TMOD1: variants seen among roughly 807,000 people sequenced by gnomAD.
The protein encoded by TMOD1 is tropomodulin 1.
Under a neutral mutation model 40.6 loss-of-function variants are expected in TMOD1, and 17 were observed. The ratio of observed to expected loss-of-function variants is 0.42; its 90% CI spans 0.29 to 0.63. The LOEUF is 0.63. TMOD1 is among the 20% of genes least tolerant of loss of function. The probability of loss-of-function intolerance (pLI) is 0.22; values close to 1 mark genes in which losing one functional copy is unlikely to be tolerated. For missense variants in TMOD1, 391 were observed against 447.6 expected, an observed-to-expected ratio of 0.87 and a Z score of 1.14; for synonymous variants, 181 against 175.0, an observed-to-expected ratio of 1.03 and a Z score of -0.27.
intron 3 of TMOD1, among the ~76,000 whole-genome samples, chr9:97,548,377 AG>A (rs35534482): frequency 6.6e-6 from 1 of 152,222 alleles, no homozygotes; most frequent in Admixed American, 6.5e-5. Flanking sequence ...CTGGAAGTCC[AG>A]GGAGGCCTAA....
chr9:97,588,920 C>A (rs758422039), intron 8 of TMOD1, among the ~76,000 whole-genome samples: 3 of 152,046 alleles, frequency 2.0e-5, no homozygotes, highest in Admixed American at 6.5e-5. Flanking sequence ...AGTTTGAAAG[C>A]AGCCTGGCCA....
At chr9:97,569,888 C>T (rs1158462082) in intron 8 of TMOD1, among the ~76,000 whole-genome samples, 2 of 152,098 alleles carry the variant, frequency 1.3e-5, no homozygotes, top group Non-Finnish European at 2.9e-5. Context: ...ACACTTATTC[C>T]ACTGCAGCAT....
At chr9:97,560,142 T>A (rs1362371902) in intron 4 of TMOD1, among the ~76,000 whole-genome samples, 1 of 151,038 alleles carries the variant, frequency 6.6e-6, no homozygotes, top group Non-Finnish European at 1.5e-5. Context: ...GGATATTTTT[T>A]AAAAAATCAC....
chr9:97,553,292 G>A lies in TMOD1; in HGVS notation c.289G>A (p.Val97Ile). Residue 97 changes from valine to isoleucine, a missense_variant, in exon 4 of 10, where the codon GTT (valine) becomes ATT (isoleucine). Transcript: ENST00000259365. Reference sequence around the variant, plus strand: ...CTGTGTGTTTGCAGGAAAGGTCTGGGTTCCTAAGCAGAAGCCACTGGATCC... The same window carrying A: ...CTGTGTGTTTGCAGGAAAGGTCTGGATTCCTAAGCAGAAGCCACTGGATCC... ...YTGEKRGKVW[V>I]PKQKPLDPVL... The A allele has an allele frequency of 6.2e-7, 1 of 1,614,122 alleles. No individual in the cohort carries two copies.
At chr9:97,504,807 A>G (rs1337560920) in intron 1 of TMOD1, among the ~76,000 whole-genome samples, 2 of 152,196 alleles carry the variant, frequency 1.3e-5, no homozygotes, top group Non-Finnish European at 2.9e-5. Context: ...GGCCTTTTCC[A>G]GTCAATGTTT....
chr9:97,539,304 G>A (rs559172841), intron 2 of TMOD1, among the ~76,000 whole-genome samples: 69 of 152,188 alleles, frequency 4.5e-4, no homozygotes, highest in Non-Finnish European at 7.6e-4. Flanking sequence ...GAATGGTTGT[G>A]GGAACTCTTT....
At chr9:97,529,635 GC>G (rs1420000558) in intron 2 of TMOD1, among the ~76,000 whole-genome samples, 1 of 152,152 alleles carries the variant, frequency 6.6e-6, no homozygotes, top group Non-Finnish European at 1.5e-5. Context: ...GGAAAGGAAT[GC>G]TTCATGTGCT....
In TMOD1 at chr9:97,601,130, G is replaced by A; in HGVS notation, c.*1432G>A. On this transcript the variant is annotated 3_prime_UTR_variant, in exon 10 of 10. Coordinates refer to ENST00000259365, the MANE Select transcript of TMOD1 (RefSeq NM_003275.4). ...AGAGTGTCCACTGAGGCTGCACATGGCCCAGGAGTGGCACCATGTTGCAGG... is the reference window on the plus strand; with the variant it reads ...AGAGTGTCCACTGAGGCTGCACATGACCCAGGAGTGGCACCATGTTGCAGG... 1 of 1,304,188 alleles carries A rather than the reference G, an allele frequency of 7.7e-7. No individual in the cohort carries two copies. Among genetic ancestry groups the A allele is most frequent in the Non-Finnish European group, 1.0e-6 (1 of 988,908 alleles). The allele number at this position is 1,304,188 out of a possible 1,614,324, so 80.8% of individuals were successfully genotyped here.
intron 1 of TMOD1, among the ~76,000 whole-genome samples, chr9:97,518,183 T>C (rs371574686): frequency 6.6e-6 from 1 of 152,190 alleles, no homozygotes; most frequent in African/African-American, 2.4e-5. Flanking sequence ...CCTGTGAATG[T>C]GATAAGGTCC....
chr9:97,533,310 G>T (rs12235565), intron 2 of TMOD1, among the ~76,000 whole-genome samples: 3,064 of 152,314 alleles, frequency 0.02, 129 homozygotes, highest in East Asian at 0.13. Context: ...AAAGCACCTA[G>T]CCCAGTGCCT....
At chr9:97,559,843 C>T (rs376875201) in intron 4 of TMOD1, among the ~76,000 whole-genome samples, 1 of 78,372 alleles carries the variant, frequency 1.3e-5, no homozygotes, top group Non-Finnish European at 2.3e-5. Flanking sequence ...ATCTATCTAT[C>T]TATCTATCTC....
At chr9:97,541,651 G>A (rs774715751) in intron 2 of TMOD1, among the ~76,000 whole-genome samples, 3 of 151,318 alleles carry the variant, frequency 2.0e-5, no homozygotes, top group Non-Finnish European at 2.9e-5. Context: ...GAGTAGCTGG[G>A]ATTACAGGCA....
chr9:97,522,342 C>T lies in TMOD1; in HGVS notation c.-48-1799C>T, dbSNP rs558946313. On this transcript the variant is annotated intron_variant, in intron 1 of 9. Coordinates refer to ENST00000259365, the MANE Select transcript of TMOD1 (RefSeq NM_003275.4). ...TGTCACATGATATTCTCTTAGTGTG[C>T]TATATCTGTGTCCAAATTTCCCGTT... Among the ~76,000 whole-genome samples the T allele has an allele frequency of 1.2e-4, 19 of 152,198 alleles. No homozygotes were observed. In the East Asian group the frequency reaches 3.7e-3, roughly 29 times the overall value.
intron 9 of TMOD1, 111 bp from the exon 10 acceptor site, chr9:97,599,523 C>G: frequency 1.5e-6 from 2 of 1,346,286 alleles, no homozygotes; most frequent in Middle Eastern, 1.8e-4. Context: ...AGACTTCAGA[C>G]TCTGTTAACA....
At chr9:97,579,709 G>A (rs796330070) in intron 8 of TMOD1, among the ~76,000 whole-genome samples, 5 of 152,322 alleles carry the variant, frequency 3.3e-5, no homozygotes, top group African/African-American at 1.2e-4. Context: ...TGTAGCTACT[G>A]TATTGGACAA....
intron 1 of TMOD1, among the ~76,000 whole-genome samples, chr9:97,508,155 T>C (rs997191191): frequency 2.6e-5 from 4 of 151,944 alleles, no homozygotes; most frequent in Non-Finnish European, 1.5e-5. Context: ...TACTAGTTAC[T>C]GGCTCTGTAA....
rs199809755 is a variant in TMOD1, at chr9:97,558,439, T to C, written c.398-4293T>C. Among the ~76,000 whole-genome samples, 31 of 149,000 alleles carry C rather than the reference T, an allele frequency of 2.1e-4. No homozygotes were observed. In the East Asian group the frequency reaches 5.6e-3, roughly 27 times the overall value. Reference sequence around the variant, plus strand: ...CACAGCTACCCTGGATGCTGTTTGTTTGTTTGTTTGTTTGTTTGTTTTTAG... The same window carrying C: ...CACAGCTACCCTGGATGCTGTTTGTCTGTTTGTTTGTTTGTTTGTTTTTAG... On this transcript the variant is annotated intron_variant, in intron 4 of 9. Transcript: ENST00000259365.
intron 8 of TMOD1, among the ~76,000 whole-genome samples, chr9:97,589,828 C>T (rs1323196691): frequency 2.0e-5 from 3 of 151,880 alleles, no homozygotes; most frequent in Non-Finnish European, 4.4e-5. Context: ...ATGATGTTAG[C>T]TTTCTGTCTT....
intron 8 of TMOD1, among the ~76,000 whole-genome samples, chr9:97,579,742 G>C (rs928664810): frequency 6.6e-6 from 1 of 152,202 alleles, no homozygotes; most frequent in Non-Finnish European, 1.5e-5. Flanking sequence ...TGGTGAGACA[G>C]CTATAGAGGC....
Sources: gnomAD v4.1 joint callset for allele counts (sites outside exome capture counted in the v4.1 genomes callset) on GRCh38, gnomAD v4.1.1 for gene constraint, MANE v1.5 for transcripts, NCBI Gene and HGNC (gene_info 2026-07-23, HGNC 2026-07-21) for gene names.